LDB2: variants seen among roughly 807,000 people sequenced by gnomAD.
LDB2 encodes LIM domain-binding protein 2.
Under a neutral mutation model 44.3 loss-of-function variants are expected in LDB2, and 12 were observed. The ratio of observed to expected loss-of-function variants is 0.27; its 90% CI spans 0.17 to 0.44. The LOEUF is 0.44. Ranked by LOEUF, LDB2 falls within the 20% of genes least tolerant of loss-of-function variation. The pLI, the probability that LDB2 is intolerant of heterozygous loss-of-function variation, is 1.00. For synonymous variants in LDB2, 164 were observed against 174.8 expected (o/e 0.94, Z 0.49); for missense variants, 344 against 473.5 (o/e 0.73, Z 2.54).
At chr4:16,689,617 C>A (rs1024879220) in intron 2 of LDB2, among the ~76,000 whole-genome samples, 2 of 152,188 alleles carry the variant, frequency 1.3e-5, no homozygotes, top group African/African-American at 4.8e-5. Flanking sequence ...CTGTTAAATT[C>A]TTCAATCTAC....
In LDB2 at chr4:16,820,644, T is replaced by C. The variant is rs116946893; in HGVS notation, c.133-61384A>G. 2.9e-3 allele frequency among the ~76,000 whole-genome samples: 445 copies of C among 152,274 alleles called. 14 individuals carry two copies. In the East Asian group the frequency reaches 0.079, roughly 27 times the overall value. ...GGAAATACGCCTGGCATGTTCTCTG[T>C]AAAGAAGCTCATGTGTACCACGCTT... On this transcript the variant is annotated intron_variant, in intron 1 of 7. Transcript: ENST00000304523.
chr4:16,515,944 A>G (rs1406616710), intron 5 of LDB2, among the ~76,000 whole-genome samples: 1 of 152,028 alleles, frequency 6.6e-6, no homozygotes, highest in Non-Finnish European at 1.5e-5. Flanking sequence ...GCTCACCGCA[A>G]GCTCTGCCTC....
chr4:16,635,765 C>A (rs1733419911), intron 2 of LDB2, among the ~76,000 whole-genome samples: 1 of 152,182 alleles, frequency 6.6e-6, no homozygotes, highest in Non-Finnish European at 1.5e-5. Flanking sequence ...TTGGTAGCTA[C>A]TCCACCCTCC....
At chr4:16,841,229 A>C (rs150385989) in intron 1 of LDB2, among the ~76,000 whole-genome samples, 18 of 149,478 alleles carry the variant, frequency 1.2e-4, no homozygotes, top group African/African-American at 2.9e-4. Context: ...ACATTTCTGA[A>C]CAGACCTGAA....
At chr4:16,708,099 G>C (rs374674783) in intron 2 of LDB2, among the ~76,000 whole-genome samples, 39 of 152,228 alleles carry the variant, frequency 2.6e-4, no homozygotes, top group African/African-American at 8.9e-4. Flanking sequence ...TGGCTCACTG[G>C]TGGTAATTCA....
intron 2 of LDB2, among the ~76,000 whole-genome samples, chr4:16,700,234 T>C (rs913078569): frequency 1.3e-5 from 2 of 152,184 alleles, no homozygotes; most frequent in Non-Finnish European, 2.9e-5. Flanking sequence ...TAAATATGTT[T>C]CCAGCATTAC....
chr4:16,694,214 A>G (rs1182280465), intron 2 of LDB2, among the ~76,000 whole-genome samples: 1 of 152,230 alleles, frequency 6.6e-6, no homozygotes, highest in East Asian at 1.9e-4. Flanking sequence ...GAAGGATTTT[A>G]ATGGATTCCT....
intron 1 of LDB2, among the ~76,000 whole-genome samples, chr4:16,794,328 G>C (rs984716511): frequency 6.6e-6 from 1 of 152,168 alleles, no homozygotes; most frequent in African/African-American, 2.4e-5. Flanking sequence ...GTGGCTAAAA[G>C]AAACCATGTA....
At chr4:16,859,764 A>G (rs1711866434) in intron 1 of LDB2, among the ~76,000 whole-genome samples, 1 of 152,220 alleles carries the variant, frequency 6.6e-6, no homozygotes, top group African/African-American at 2.4e-5. Context: ...ACTGAAAAGA[A>G]AAAGAAGCAA....
chr4:16,808,336 A>T lies in LDB2; in HGVS notation c.133-49076T>A, dbSNP rs964424118. 1.2e-3 allele frequency among the ~76,000 whole-genome samples: 177 copies of T among 152,202 alleles called. 1 individual carries two copies. Among genetic ancestry groups the T allele is most frequent in the Admixed American group, 8.5e-4 (13 of 15,276 alleles). On this transcript the variant is annotated intron_variant, in intron 1 of 7. Coordinates refer to ENST00000304523, the MANE Select transcript of LDB2 (RefSeq NM_001290.5). ...AGACACAGACATGGCTGTTCAGCAG[A>T]GACTTTCTTATAAGTCAGAAAGAAG... is the stretch of plus-strand genomic sequence containing the variant.
intron 2 of LDB2, among the ~76,000 whole-genome samples, chr4:16,730,680 C>T (rs758647309): frequency 2.0e-5 from 3 of 152,092 alleles, no homozygotes; most frequent in Admixed American, 1.3e-4. Context: ...AAGCATGGGA[C>T]GGAATCAGGT....
intron 1 of LDB2, among the ~76,000 whole-genome samples, chr4:16,821,999 G>A (rs1008995209): frequency 2.6e-5 from 4 of 152,078 alleles, no homozygotes; most frequent in South Asian, 2.1e-4. Context: ...CAGCTGAGCA[G>A]GCTTAGCCCC....
chr4:16,642,680 G>A (rs533314951), intron 2 of LDB2, among the ~76,000 whole-genome samples: 27 of 152,218 alleles, frequency 1.8e-4, no homozygotes, highest in African/African-American at 6.5e-4. Flanking sequence ...ATTTGGAGGT[G>A]GCTCTTGAAA....
At chr4:16,527,959 A>G (rs76075390) in intron 5 of LDB2, among the ~76,000 whole-genome samples, 4,882 of 151,694 alleles carry the variant, frequency 0.032, 259 homozygotes, top group African/African-American at 0.11. Context: ...GCTGGGAGGA[A>G]AAGTGAAAAA....
intron 2 of LDB2, among the ~76,000 whole-genome samples, chr4:16,619,584 G>A (rs1309810652): frequency 6.6e-6 from 1 of 152,146 alleles, no homozygotes; most frequent in Non-Finnish European, 1.5e-5. Flanking sequence ...ATTTGTTGAA[G>A]ATGAGGGATT....
chr4:16,736,526 G>A (rs768465222), intron 2 of LDB2, among the ~76,000 whole-genome samples: 1 of 152,178 alleles, frequency 6.6e-6, no homozygotes, highest in African/African-American at 2.4e-5. Flanking sequence ...GATGTTAATG[G>A]CTTTACTAGA....
intron 2 of LDB2, chr4:16,726,214 G>C (rs1488228140): frequency 6.6e-6 from 1 of 152,052 alleles, no homozygotes; most frequent in Non-Finnish European, 1.5e-5. Context: ...AATGCATGTA[G>C]CTTAGTTAAG....
In LDB2 at chr4:16,846,903, T is replaced by C. The variant is rs192618499; in HGVS notation, c.132+51451A>G. Among the ~76,000 whole-genome samples the C allele has an allele frequency of 7.9e-4, 121 of 152,350 alleles. 1 individual carries two copies. The highest frequency in any genetic ancestry group is 2.9e-3 in the Admixed American group (45 of 15,302). On this transcript the variant is annotated intron_variant, in intron 1 of 7. Transcript: ENST00000304523. ...AGTCTCTTTATGACACTGACAGTCA[T>C]CAAGCGGATGTTTGTCAAAGTACAT...
chr4:16,756,198 A>C (rs1331836459), intron 2 of LDB2, among the ~76,000 whole-genome samples: 2 of 152,190 alleles, frequency 1.3e-5, no homozygotes, highest in Non-Finnish European at 2.9e-5. Flanking sequence ...TAATCCCAGC[A>C]CTTTGGGAGG....
Sources: gnomAD v4.1 joint callset for allele counts (sites outside exome capture counted in the v4.1 genomes callset) on GRCh38, gnomAD v4.1.1 for gene constraint, MANE v1.5 for transcripts, NCBI Gene and HGNC (gene_info 2026-07-23, HGNC 2026-07-21) for gene names.